AKAP13: variants seen among roughly 807,000 people sequenced by gnomAD.
The protein encoded by AKAP13 is A-kinase anchor protein 13.
AKAP13 carries 80 observed loss-of-function variants against 264.5 expected under a neutral mutation model. The ratio of observed to expected loss-of-function variants is 0.30; its 90% CI spans 0.25 to 0.36. The LOEUF is 0.36. AKAP13 is among the 10% of genes least tolerant of loss of function. The probability of loss-of-function intolerance (pLI) is 1.00; values close to 1 mark genes in which losing one functional copy is unlikely to be tolerated. For synonymous variants in AKAP13, 1,380 were observed against 1,250.2 expected, an observed-to-expected ratio of 1.10 and a Z score of -2.19; for missense variants, 3,712 against 3,435.2, an observed-to-expected ratio of 1.08 and a Z score of -2.01.
intron 1 of AKAP13, among the ~76,000 whole-genome samples, chr15:85,411,728 C>T (rs1000432196): frequency 1.2e-4 from 19 of 152,220 alleles, no homozygotes; most frequent in African/African-American, 4.6e-4. Flanking sequence ...TGAGCCACCG[C>T]GCCCGGCCAA....
chr15:85,520,717 A>G (rs750002276), intron 2 of AKAP13: 2 of 518,918 alleles, frequency 3.9e-6, no homozygotes, highest in Non-Finnish European at 7.7e-6. Flanking sequence ...AATATTATAG[A>G]CCGAGAGTTG....
At position 85,741,244 on chromosome 15, in the gene AKAP13, C is replaced by G. The variant is rs749633401; in HGVS notation, c.7807C>G (p.Arg2603Gly). Residue 2603 changes from arginine (R) to glycine (G), a missense_variant, in exon 35 of 37, where the codon CGT (arginine) becomes GGT (glycine). Physicochemically the swap from Arg to Gly is moderately radical, Grantham distance 125. Transcript: ENST00000394518. ...CCTCGAGGAGAAGCGCAGGCGCGAGCGTGAGTGGGAAGCTCGTGAGAGGGA... is the reference window on the plus strand; with the variant it reads ...CCTCGAGGAGAAGCGCAGGCGCGAGGGTGAGTGGGAAGCTCGTGAGAGGGA... ...QYLEEKRRRE[R>G]EWEARERELR... is the part of the protein sequence containing the mutation. The G allele has an allele frequency of 6.4e-5, 103 of 1,609,140 alleles. No individual in the cohort carries two copies. The highest frequency in any genetic ancestry group is 8.4e-5 in the Non-Finnish European group (99 of 1,177,936).
intron 9 of AKAP13, among the ~76,000 whole-genome samples, chr15:85,643,075 T>C (rs2082384070): frequency 6.6e-6 from 1 of 151,590 alleles, no homozygotes; most frequent in African/African-American, 2.4e-5. Flanking sequence ...AAGGCAGGGC[T>C]GTTCCCATTG....
At chr15:85,474,012 A>C (rs762554321) in intron 1 of AKAP13, among the ~76,000 whole-genome samples, 3 of 152,230 alleles carry the variant, frequency 2.0e-5, no homozygotes, top group Non-Finnish European at 2.9e-5. Flanking sequence ...ATCCTTAAGA[A>C]ATACAGCCCA....
chr15:85,743,865 C>T (rs767167373), intron 36 of AKAP13, 40 bp downstream of exon 36: 8 of 1,558,772 alleles, frequency 5.1e-6, no homozygotes, highest in Admixed American at 1.9e-5. Context: ...GCCATAGTGT[C>T]TGTGCATTCT....
intron 1 of AKAP13, among the ~76,000 whole-genome samples, chr15:85,400,901 G>A (rs2071393340): frequency 6.7e-6 from 1 of 149,056 alleles, no homozygotes; most frequent in Non-Finnish European, 1.5e-5. Flanking sequence ...AGAGTATGTT[G>A]CTCAGGCTGG....
chr15:85,579,624 C>T lies in AKAP13; in HGVS notation c.1556C>T (p.Ser519Phe). The change falls in exon 7 of 37, where the codon TCT (serine) becomes TTT (phenylalanine). Residue 519 changes from serine to phenylalanine, a missense_variant. This residue lies in a region of AKAP13 where 2,759 missense variants were observed against 2,411.7 expected (regional missense o/e 1.14). Transcript: ENST00000394518. ...ENSNIGTAGA[S>F]DVHVTSKPVD... ...TCTAATATTGGCACAGCTGGAGCCT[C>T]TGACGTGCACGTCACAAGTAAGCCT... is the stretch of plus-strand genomic sequence containing the variant. The T allele has an allele frequency of 6.2e-7, 1 of 1,614,214 alleles. No homozygotes were observed.
chr15:85,646,763 A>G (rs1333997806), intron 10 of AKAP13, among the ~76,000 whole-genome samples: 1 of 152,142 alleles, frequency 6.6e-6, no homozygotes, highest in Non-Finnish European at 1.5e-5. Flanking sequence ...GCCCTTCCAC[A>G]TGAATCAGCT....
intron 1 of AKAP13, among the ~76,000 whole-genome samples, chr15:85,473,352 G>A (rs914018403): frequency 2.6e-5 from 4 of 152,104 alleles, no homozygotes; most frequent in African/African-American, 7.2e-5. Flanking sequence ...TGTAAACCAC[G>A]CAAACAAAAA....
chr15:85,701,618 A>C (rs1471995256), intron 17 of AKAP13, among the ~76,000 whole-genome samples: 1 of 150,398 alleles, frequency 6.6e-6, no homozygotes, highest in South Asian at 2.1e-4. Flanking sequence ...TTTTTTTTGT[A>C]TTTTTATTAG....
rs776641240 is a variant in AKAP13 at position 85,727,206 on chromosome 15, A to G, written c.6963A>G (p.Arg2321=). The change falls in exon 28 of 37, where the codon CGA becomes CGG. Residue 2321 remains arginine (R), a synonymous_variant. Transcript: ENST00000394518. This position sits in a 1 kb window ranked among gnomAD's most constrained non-coding sequence, Gnocchi z 5.3. ...TCCATGCCAGCTCCAAAGAGGAACG[A>G]AACAGCTGGATTCAGATCATTCAGG... The part of the protein sequence containing the change: ...VEVHASSKEE[R]NSWIQIIQDT... 4 of 1,614,232 alleles carry G rather than the reference A, an allele frequency of 2.5e-6. No individual in the cohort carries two copies. Among genetic ancestry groups the G allele is most frequent in the South Asian group, 1.1e-5 (1 of 91,088 alleles).
At position 85,575,246 on chromosome 15, in the gene AKAP13, G is replaced by A. The variant is rs1460988930; in HGVS notation, c.778G>A (p.Asp260Asn). ...LDIYTLTSESDSHHEHPFPGD... is the reference protein window; with the variant it reads ...LDIYTLTSESNSHHEHPFPGD... ...CATCTATACATTAACCTCTGAGTCT[G>A]ATTCACATCATGAACACCCATTTCC... Residue 260 changes from aspartate (D) to asparagine (N), a missense_variant, in exon 6 of 37, where the codon GAT becomes AAT. Transcript: ENST00000394518. 25 of 1,614,038 alleles carry A rather than the reference G, an allele frequency of 1.5e-5. No homozygotes were observed. The East Asian group carries it at 5.6e-4, about 36-fold the overall frequency.
chr15:85,740,115 TTTAG>T, intron 33 of AKAP13, 103 bp from the exon 34 acceptor site: 1 of 1,106,836 alleles, frequency 9.0e-7, no homozygotes. Flanking sequence ...GATATAAGCA[TTTAG>T]TTGTATCTTA....
At chr15:85,712,022 C>T (rs565786027) in intron 19 of AKAP13, among the ~76,000 whole-genome samples, 10 of 152,074 alleles carry the variant, frequency 6.6e-5, no homozygotes, top group African/African-American at 2.2e-4. Flanking sequence ...TTTGTAGAGA[C>T]GGGGTCTCAC....
At chr15:85,634,372 G>A (rs1383514583) in intron 8 of AKAP13, among the ~76,000 whole-genome samples, 1 of 152,116 alleles carries the variant, frequency 6.6e-6, no homozygotes, top group Non-Finnish European at 1.5e-5. Context: ...TAAAATCAAG[G>A]CTTCTGTCTT....
intron 33 of AKAP13, among the ~76,000 whole-genome samples, chr15:85,738,000 T>C (rs1398726743): frequency 6.6e-6 from 1 of 152,192 alleles, no homozygotes; most frequent in South Asian, 2.1e-4. Flanking sequence ...GGGTAAGAAA[T>C]AGTACAAGAC....
intron 1 of AKAP13, among the ~76,000 whole-genome samples, chr15:85,408,699 A>G (rs1353766438): frequency 6.6e-6 from 1 of 151,812 alleles, no homozygotes; most frequent in African/African-American, 2.4e-5. Context: ...GTATGTATAT[A>G]CCACATTTTG....
Position 85,432,966 on chromosome 15 carries a change from AC to A in AKAP13, c.-12+52172del, listed in dbSNP as rs1003028545. ...AATATAGAAAGAAAAAAAAATATAC[AC>A]CCCATTACCTTGAGATACTTAACAT... is the stretch of plus-strand genomic sequence containing the variant. On this transcript the variant is annotated intron_variant, in intron 1 of 36. Coordinates refer to ENST00000394518, the MANE Select transcript of AKAP13 (RefSeq NM_007200.5). Among the ~76,000 whole-genome samples the A allele has an allele frequency of 2.2e-4, 33 of 151,480 alleles. 2 individuals carry two copies. The highest frequency in any genetic ancestry group is 2.1e-4 in the South Asian group (1 of 4,784).
intron 9 of AKAP13, among the ~76,000 whole-genome samples, chr15:85,642,436 G>A (rs1334433575): frequency 6.6e-6 from 1 of 152,218 alleles, no homozygotes; most frequent in Non-Finnish European, 1.5e-5. Context: ...TATTCAGTAG[G>A]AAGGGGACAA....
Sources: allele counts gnomAD v4.1 joint callset (sites outside exome capture counted in the v4.1 genomes callset), GRCh38; gene constraint gnomAD v4.1.1; regional missense constraint gnomAD v4.1.1; non-coding constraint Gnocchi (gnomAD v3.1); transcripts MANE v1.5; gene names NCBI Gene and HGNC (gene_info 2026-07-23, HGNC 2026-07-21).